ADGRA3: variants seen among roughly 807,000 people sequenced by gnomAD.
ADGRA3 encodes the protein G-protein coupled receptor 125.
ADGRA3 carries 56 observed loss-of-function variants against 119.8 expected under a neutral mutation model. That is an observed-to-expected ratio of 0.47 (90% confidence interval 0.38 to 0.58). The LOEUF (loss-of-function observed/expected upper bound fraction) is 0.58. ADGRA3 is among the 20% of genes least tolerant of loss of function. ADGRA3 has a pLI of 0.00. For synonymous variants in ADGRA3, 607 were observed against 623.8 expected (o/e 0.97, Z 0.40); for missense variants, 1,516 against 1,649.0 (o/e 0.92, Z 1.40).
intron 1 of ADGRA3, among the ~76,000 whole-genome samples, chr4:22,494,254 C>G (rs144894009): frequency 6.6e-6 from 1 of 151,612 alleles, no homozygotes; most frequent in Non-Finnish European, 1.5e-5. Context: ...CAATGCTACA[C>G]TCCCACCAGC....
In ADGRA3 at chr4:22,430,929, T is replaced by C. The variant is rs143201243; in HGVS notation, c.1443+4382A>G. 8.5e-3 allele frequency among the ~76,000 whole-genome samples: 1,287 copies of C among 152,298 alleles called. 37 individuals are homozygous for C. The highest frequency in any genetic ancestry group is 0.048 in the Admixed American group (735 of 15,294). The stretch of plus-strand genomic sequence containing the variant: ...TGACTAAAAGGGGCCAAGGTACAGC[T>C]TGGGCTGCTGCTTCACAGGGGGCAA... On this transcript the variant is annotated intron_variant, in intron 10 of 18. Coordinates refer to ENST00000334304, the MANE Select transcript of ADGRA3 (RefSeq NM_145290.4).
At chr4:22,493,485 C>T (rs1229868017) in intron 1 of ADGRA3, among the ~76,000 whole-genome samples, 1 of 152,106 alleles carries the variant, frequency 6.6e-6, no homozygotes, top group Admixed American at 6.5e-5. Context: ...ATAATAATGA[C>T]TGGGTCTTTG....
intron 1 of ADGRA3, among the ~76,000 whole-genome samples, chr4:22,494,056 T>A (rs1312401665): frequency 6.6e-6 from 1 of 151,650 alleles, no homozygotes; most frequent in African/African-American, 2.4e-5. Flanking sequence ...TACAAAAAAA[T>A]TAGCTGGGCG....
At chr4:22,475,750 A>T (rs28652967) in intron 1 of ADGRA3, among the ~76,000 whole-genome samples, 3,617 of 151,970 alleles carry the variant, frequency 0.024, 171 homozygotes, top group African/African-American at 0.079. Flanking sequence ...AATAAATAAA[A>T]AAAAAAGAAT....
intron 12 of ADGRA3, chr4:22,414,423 C>A: frequency 2.2e-6 from 1 of 461,106 alleles, no homozygotes; most frequent in Non-Finnish European, 3.8e-6. Context: ...TGAATTTTTT[C>A]AGATTTCTTT....
rs754833054 is a variant in ADGRA3, at chr4:22,389,095, C to T, written c.2716G>A (p.Ala906Thr). Residue 906 changes from alanine (A) to threonine (T), a missense_variant, in exon 18 of 19, where the codon GCA (alanine) becomes ACA (threonine). Ala to Thr is a moderately conservative substitution (Grantham distance 58). Coordinates refer to ENST00000334304, the MANE Select transcript of ADGRA3 (RefSeq NM_145290.4). ...NIKNYGSRPN[A>T]PYCWMAWEPS... ...AGAATATAAAATACTCACTAGGGTG[C>T]GTTTGGCCGACTGCCGTAATTCTTA... 1.1e-5 allele frequency: 18 copies of T among 1,613,344 alleles called. No homozygotes were observed. Among genetic ancestry groups the T allele is most frequent in the Admixed American group, 3.3e-5 (2 of 59,974 alleles).
Position 22,392,665 on chromosome 4 carries a change from G to A in ADGRA3, c.2507C>T (p.Thr836Ile), listed in dbSNP as rs745467266. The change falls in exon 17 of 19, where the codon ACC becomes ATC. Residue 836 changes from threonine (T) to isoleucine (I), a missense_variant. Around this residue, in one of 2 missense-constraint regions of ADGRA3, gnomAD observed 1,088 missense variants for 1,107.1 expected, o/e 0.98. Coordinates refer to ENST00000334304, the MANE Select transcript of ADGRA3 (RefSeq NM_145290.4). ...TCCTACCCATAGTACTGTGGCAAGG[G>A]TGGAATAGTGAAGAATTATCCCAAC... ...QAVGIILHYSTLATVLWVGVT... is the reference protein window; with the variant it reads ...QAVGIILHYSILATVLWVGVT... The A allele has an allele frequency of 2.4e-5, 38 of 1,613,270 alleles. 1 individual carries two copies. In the South Asian group the frequency reaches 4.0e-4, roughly 17 times the overall value.
chr4:22,472,989 G>A (rs751214853), intron 2 of ADGRA3: 9 of 152,128 alleles, frequency 5.9e-5, no homozygotes, highest in Non-Finnish European at 1.0e-4. Context: ...AGTGCTACCT[G>A]TAACACATCA....
At position 22,454,918 on chromosome 4, in the gene ADGRA3, T is replaced by A. The variant is rs114686229; in HGVS notation, c.421A>T (p.Ile141Leu). The change falls in exon 4 of 19, where the codon ATA becomes TTA. Residue 141 changes from isoleucine to leucine, a missense_variant. Physicochemically the swap from Ile to Leu is conservative, Grantham distance 5 (BLOSUM62 2). Coordinates refer to ENST00000334304, the MANE Select transcript of ADGRA3 (RefSeq NM_145290.4). ...LKRLDLTNNR[I>L]GCLNADIFRG... Reference sequence around the variant, plus strand: ...AATATGTCTGCATTCAGACATCCTATTCGATTGTTTGTCAGATCCCTAAGG... The same window carrying A: ...AATATGTCTGCATTCAGACATCCTAATCGATTGTTTGTCAGATCCCTAAGG... 6.3e-4 allele frequency: 1,013 copies of A among 1,613,362 alleles called. 5 individuals are homozygous for A. The African/African-American group carries it at 0.012, about 19-fold the overall frequency.
At chr4:22,449,264 C>T (rs918970731) in intron 4 of ADGRA3, among the ~76,000 whole-genome samples, 13 of 149,374 alleles carry the variant, frequency 8.7e-5, no homozygotes, top group Non-Finnish European at 1.3e-4. Context: ...AGTGAGACCC[C>T]GTCTCAAAAA....
At position 22,428,482 on chromosome 4, in the gene ADGRA3, AAAG is replaced by A. The variant is rs551449112; in HGVS notation, c.1444-4133_1444-4131del. Among the ~76,000 whole-genome samples the A allele has an allele frequency of 3.9e-5, 6 of 152,346 alleles. No individual in the cohort carries two copies. The South Asian group carries it at 8.3e-4, about 21-fold the overall frequency. On this transcript the variant is annotated intron_variant, in intron 10 of 18. Coordinates refer to ENST00000334304, the MANE Select transcript of ADGRA3 (RefSeq NM_145290.4). ...TTACATTTTCAATCATCGAGTAGCA[AAAG>A]AATACTTTTGTTCATTCTAACAACC...
chr4:22,435,927 T>C (rs1716374177), intron 9 of ADGRA3, among the ~76,000 whole-genome samples: 1 of 152,146 alleles, frequency 6.6e-6, no homozygotes, highest in Non-Finnish European at 1.5e-5. Context: ...CTACTGACTC[T>C]AACACGGACT....
At chr4:22,469,110 C>T (rs1175785066) in intron 2 of ADGRA3, among the ~76,000 whole-genome samples, 3 of 152,080 alleles carry the variant, frequency 2.0e-5, no homozygotes, top group Admixed American at 1.3e-4. Flanking sequence ...ACTCTTCCTG[C>T]AGATGTCTGC....
Position 22,505,268 on chromosome 4 carries a change from A to C in ADGRA3, c.257+10260T>G, listed in dbSNP as rs1043512962. Among the ~76,000 whole-genome samples, 7 of 152,186 alleles carry C rather than the reference A, an allele frequency of 4.6e-5. No individual in the cohort carries two copies. The South Asian group carries it at 6.2e-4, about 14-fold the overall frequency. ...CATGGGAAAAAAAGCAATGATGGTC[A>C]CAGAGCAAAAAGACCCACCAGTCCC... On this transcript the variant is annotated intron_variant, in intron 1 of 18. Transcript: ENST00000334304.
At chr4:22,492,155 G>A (rs1019017193) in intron 1 of ADGRA3, among the ~76,000 whole-genome samples, 1 of 152,080 alleles carries the variant, frequency 6.6e-6, no homozygotes, top group African/African-American at 2.4e-5. Flanking sequence ...GTCTCAGGAG[G>A]GAATGCAGGA....
chr4:22,450,990 A>T (rs902117895), intron 4 of ADGRA3, among the ~76,000 whole-genome samples: 26 of 148,604 alleles, frequency 1.7e-4, no homozygotes, highest in Non-Finnish European at 2.8e-4. Flanking sequence ...TCATTAATAC[A>T]AGTTATCTCA....
At chr4:22,443,244 C>T (rs977245396) in intron 6 of ADGRA3, 2 of 500,948 alleles carry the variant, frequency 4.0e-6, no homozygotes, top group African/African-American at 4.0e-5. Flanking sequence ...TTGATTACAA[C>T]ACGAGTTTTT....
rs564922354 is a variant in ADGRA3 at position 22,441,314 on chromosome 4, G to A, written c.920+1336C>T. The stretch of plus-strand genomic sequence containing the variant: ...GACTTTAGCTTCTGCCTACCAGAGG[G>A]GACAGAGCTAGGAGTTAGTTCAGCC... On this transcript the variant is annotated intron_variant, in intron 7 of 18. Transcript: ENST00000334304. Among the ~76,000 whole-genome samples the A allele has an allele frequency of 2.0e-4, 30 of 152,260 alleles. No individual in the cohort carries two copies. The East Asian group carries it at 5.2e-3, about 26-fold the overall frequency.
At chr4:22,422,553 T>C (rs2109038326) in intron 11 of ADGRA3, among the ~76,000 whole-genome samples, 2 of 135,312 alleles carry the variant, frequency 1.5e-5, no homozygotes, top group Middle Eastern at 3.9e-3. Context: ...GCAGCAGTCA[T>C]TAGGCCCAAC....
Sources: allele counts gnomAD v4.1 joint callset (sites outside exome capture counted in the v4.1 genomes callset), GRCh38; gene constraint gnomAD v4.1.1; regional missense constraint gnomAD v4.1.1; transcripts MANE v1.5; gene names NCBI Gene and HGNC (gene_info 2026-07-23, HGNC 2026-07-21).